Variants in CERT1 observed in about 807,000 individuals in gnomAD.
The protein encoded by CERT1 is ceramide transfer protein.
In CERT1, 31 loss-of-function variants were observed where a neutral mutation model predicts 87.9. That is an observed-to-expected ratio of 0.35 (90% CI 0.27 to 0.48). The LOEUF (loss-of-function observed/expected upper bound fraction) is 0.48, where lower values mean the gene tolerates loss of function less well. Among genes scored for constraint, CERT1 ranks in the 20% least tolerant of loss-of-function variants. CERT1 has a pLI of 0.99. For synonymous variants in CERT1, 289 were observed against 250.9 expected, an observed-to-expected ratio of 1.15 and a Z score of -1.44; for missense variants, 487 against 758.0, an observed-to-expected ratio of 0.64 and a Z score of 4.20.
chr5:75,411,625 TA>T (rs1331032857), intron 7 of CERT1, among the ~76,000 whole-genome samples: 1 of 152,172 alleles, frequency 6.6e-6, no homozygotes, highest in Non-Finnish European at 1.5e-5. Flanking sequence ...ACCTACGATT[TA>T]AATCACCACT....
intron 8 of CERT1, among the ~76,000 whole-genome samples, chr5:75,403,939 A>G (rs910692076): frequency 6.6e-6 from 1 of 152,206 alleles, no homozygotes; most frequent in African/African-American, 2.4e-5. Flanking sequence ...AACAATCAAC[A>G]TATGTTCCTG....
At chr5:75,439,864 AT>A (rs1343429047) in intron 3 of CERT1, among the ~76,000 whole-genome samples, 2 of 152,058 alleles carry the variant, frequency 1.3e-5, no homozygotes, top group Non-Finnish European at 2.9e-5. Context: ...TAGCATGACA[AT>A]TTCATGCTCA....
chr5:75,493,760 TTCTC>T (rs1286945897), intron 2 of CERT1, among the ~76,000 whole-genome samples: 1 of 152,198 alleles, frequency 6.6e-6, no homozygotes, highest in African/African-American at 2.4e-5. Flanking sequence ...TTCTGCTCTG[TTCTC>T]TCTGCCTGGA....
chr5:75,425,307 G>A, intron 5 of CERT1, 54 bp downstream of exon 5: 1 of 1,531,240 alleles, frequency 6.5e-7, no homozygotes, highest in Non-Finnish European at 8.9e-7. Flanking sequence ...GAGATCAAGA[G>A]GCTTTTAATC....
intron 8 of CERT1, among the ~76,000 whole-genome samples, chr5:75,403,908 A>G (rs1489232808): frequency 6.6e-6 from 1 of 152,248 alleles, no homozygotes; most frequent in Non-Finnish European, 1.5e-5. Context: ...ATAAACATAC[A>G]AAGAACAATA....
chr5:75,474,215 C>G (rs971639068), intron 2 of CERT1, among the ~76,000 whole-genome samples: 2 of 152,194 alleles, frequency 1.3e-5, no homozygotes, highest in South Asian at 4.1e-4. Flanking sequence ...CACGTACCCC[C>G]TGCTTGCTCA....
At chr5:75,386,879 T>A (rs1051573997) in intron 12 of CERT1, among the ~76,000 whole-genome samples, 4 of 152,124 alleles carry the variant, frequency 2.6e-5, no homozygotes, top group African/African-American at 9.7e-5. Context: ...TTCTTTTTTG[T>A]TTTTTGAGAC....
chr5:75,381,069 T>C lies in CERT1; in HGVS notation c.1747+3A>G. The C allele has an allele frequency of 6.2e-7, 1 of 1,613,912 alleles. No homozygotes were observed. The highest frequency in any genetic ancestry group is 8.5e-7 in the Non-Finnish European group (1 of 1,179,854). ...CAAAGAGCAAAAACAATAAAATACA[T>C]ACCATTAGCTACATATGTAATCTTG... On this transcript the variant is annotated splice_donor_region_variant and intron_variant, in intron 16 of 16. Transcript: ENST00000643780.
chr5:75,380,598 C>T (rs911205269), intron 16 of CERT1, among the ~76,000 whole-genome samples: 3 of 151,874 alleles, frequency 2.0e-5, no homozygotes, highest in African/African-American at 7.3e-5. Context: ...ACCAGCCTGG[C>T]CAAGATGGTG....
At position 75,474,618 on chromosome 5, in the gene CERT1, T is replaced by C. The variant is rs934566502; in HGVS notation, c.232-15437A>G. Among the ~76,000 whole-genome samples, 44 of 152,088 alleles carry C rather than the reference T, an allele frequency of 2.9e-4. 1 individual carries two copies. Among genetic ancestry groups the C allele is most frequent in the African/African-American group, 1.0e-3 (42 of 41,430 alleles). On this transcript the variant is annotated intron_variant, in intron 2 of 16. Transcript: ENST00000643780. ...GTGGATGATAGTCTCATGTAGTCTATTAGACTCCCTCTACTAGAGAGACAG... is the reference window on the plus strand; with the variant it reads ...GTGGATGATAGTCTCATGTAGTCTACTAGACTCCCTCTACTAGAGAGACAG...
chr5:75,381,720 C>T (rs1304785153), intron 15 of CERT1, among the ~76,000 whole-genome samples: 3 of 151,858 alleles, frequency 2.0e-5, no homozygotes, highest in Non-Finnish European at 2.9e-5. Flanking sequence ...GGCTGTTTCA[C>T]GAAACATTAG....
At chr5:75,425,637 T>C (rs906303109) in intron 4 of CERT1, 138 bp from the exon 5 acceptor site, 14 of 702,848 alleles carry the variant, frequency 2.0e-5, no homozygotes, top group Middle Eastern at 2.6e-4. Context: ...TCTAGTTCAA[T>C]ATAATACTTC....
At chr5:75,388,495 A>C (rs1158549921) in intron 12 of CERT1, among the ~76,000 whole-genome samples, 1 of 151,128 alleles carries the variant, frequency 6.6e-6, no homozygotes, top group Non-Finnish European at 1.5e-5. Flanking sequence ...AAAACAATCT[A>C]ATTGTTTCAA....
chr5:75,480,188 C>T (rs1175350710), intron 2 of CERT1, among the ~76,000 whole-genome samples: 3 of 152,188 alleles, frequency 2.0e-5, no homozygotes, highest in Admixed American at 6.5e-5. Context: ...AAAAACACTA[C>T]ATCATTTACA....
At chr5:75,505,251 C>G (rs1767597638) in intron 2 of CERT1, 1 of 152,864 alleles carries the variant, frequency 6.5e-6, no homozygotes, top group Admixed American at 6.5e-5. Context: ...CACAGAACTG[C>G]ACTCCAGCCT....
At chr5:75,425,337 A>G in intron 5 of CERT1, 24 bp downstream of exon 5, 1 of 1,600,248 alleles carries the variant, frequency 6.2e-7, no homozygotes, top group Non-Finnish European at 8.5e-7. Context: ...TCCAAGTAAA[A>G]ATAGTGGTAA....
intron 2 of CERT1, among the ~76,000 whole-genome samples, chr5:75,472,121 A>G (rs750689198): frequency 6.6e-6 from 1 of 152,220 alleles, no homozygotes; most frequent in Non-Finnish European, 1.5e-5. Flanking sequence ...AAATAAATCC[A>G]TGCATTTACA....
chr5:75,476,001 G>T (rs1217351328), intron 2 of CERT1, among the ~76,000 whole-genome samples: 8 of 152,172 alleles, frequency 5.3e-5, no homozygotes, highest in Admixed American at 3.3e-4. Flanking sequence ...TCAAATGTCA[G>T]TTATATGCTT....
chr5:75,374,711 T>C (rs1761224387), downstream of CERT1: 2 of 598,764 alleles, frequency 3.3e-6, no homozygotes, highest in Admixed American at 1.9e-5. Flanking sequence ...CACAACAAAG[T>C]AGTCAGGAAT....
Sources: allele counts gnomAD v4.1 joint callset (sites outside exome capture counted in the v4.1 genomes callset), GRCh38; gene constraint gnomAD v4.1.1; transcripts MANE v1.5; gene names NCBI Gene and HGNC (gene_info 2026-07-23, HGNC 2026-07-21).